Variants in AQP9 observed in about 807,000 individuals in gnomAD.
AQP9 encodes aquaporin-9.
A neutral mutation model predicts 23.8 loss-of-function variants in AQP9; 19 were observed. That is an observed-to-expected ratio of 0.80 (90% confidence interval 0.56 to 1.17). AQP9 has a LOEUF of 1.17. AQP9 is among the 50% of genes most tolerant of loss of function. The probability of loss-of-function intolerance (pLI) is 0.00; values close to 1 mark genes in which losing one functional copy is unlikely to be tolerated. For synonymous variants in AQP9, 153 were observed against 131.5 expected (o/e 1.16, Z -1.12); for missense variants, 413 against 362.0 (o/e 1.14, Z -1.14).
chr15:58,182,686 T>G (rs1246208236), intron 5 of AQP9, among the ~76,000 whole-genome samples: 1 of 152,110 alleles, frequency 6.6e-6, no homozygotes, highest in Admixed American at 6.5e-5. Flanking sequence ...GGAAGGGCAC[T>G]GTGAGGGCGG....
chr15:58,172,339 T>C (rs574149428), intron 2 of AQP9, among the ~76,000 whole-genome samples: 46 of 152,360 alleles, frequency 3.0e-4, no homozygotes, highest in African/African-American at 1.0e-3. Flanking sequence ...TTGTTGTTAC[T>C]AGCAAAGCCA....
intron 1 of AQP9, among the ~76,000 whole-genome samples, chr15:58,158,107 T>C (rs1453789056): frequency 8.5e-5 from 13 of 152,160 alleles, no homozygotes; most frequent in Non-Finnish European, 1.6e-4. Context: ...ACTGGATAGA[T>C]TGGGAACAGA....
intron 5 of AQP9, among the ~76,000 whole-genome samples, chr15:58,182,975 G>A (rs1008081648): frequency 2.6e-5 from 4 of 152,074 alleles, no homozygotes; most frequent in East Asian, 3.9e-4. Flanking sequence ...TTCCTTTATC[G>A]TTCTTTCTAA....
chr15:58,170,076 G>T (rs1348869014), intron 2 of AQP9, among the ~76,000 whole-genome samples: 1 of 152,050 alleles, frequency 6.6e-6, no homozygotes, highest in East Asian at 1.9e-4. Context: ...AGCAACCTCG[G>T]CAAAGCCAAG....
intron 3 of AQP9, among the ~76,000 whole-genome samples, chr15:58,174,151 G>C (rs1898687537): frequency 6.6e-6 from 1 of 151,976 alleles, no homozygotes; most frequent in Non-Finnish European, 1.5e-5. Context: ...AGCCAGGTGT[G>C]GTAACTCACA....
rs1260380235 is a variant in AQP9 at position 58,166,685 on chromosome 15, G to A, written c.124G>A (p.Gly42Ser). Reference protein sequence around the residue: ...GTFILIVLGCGCVAQAILSRG... With the variant: ...GTFILIVLGCSCVAQAILSRG... ...CCTCTCATTCCAGGTCCTTGGATGT[G>A]GCTGTGTTGCCCAAGCTATTCTCAG... Residue 42 changes from glycine (G) to serine (S), a missense_variant, in exon 2 of 6, where the codon GGC (glycine) becomes AGC (serine). Gly to Ser is a moderately conservative substitution (Grantham distance 56, BLOSUM62 0). Coordinates refer to ENST00000219919, the MANE Select transcript of AQP9 (RefSeq NM_020980.5). The A allele has an allele frequency of 1.9e-6, 3 of 1,610,350 alleles. No individual in the cohort carries two copies. The African/African-American group carries it at 4.0e-5, about 22-fold the overall frequency.
chr15:58,154,311 T>C (rs1898204815), intron 1 of AQP9: 1 of 152,104 alleles, frequency 6.6e-6, no homozygotes, highest in Non-Finnish European at 1.5e-5. Flanking sequence ...CAGCCTCCAT[T>C]ACCATACCTG....
intron 2 of AQP9, among the ~76,000 whole-genome samples, chr15:58,170,710 T>C (rs1256000444): frequency 1.3e-5 from 2 of 152,102 alleles, no homozygotes; most frequent in Admixed American, 1.3e-4. Flanking sequence ...GCCTATTTCT[T>C]CAGCTTTTAT....
At chr15:58,138,847 A>G (rs1187790215) in intron 1 of AQP9, 171 bp downstream of exon 1, 1 of 586,834 alleles carries the variant, frequency 1.7e-6, no homozygotes, top group African/African-American at 1.9e-5. Context: ...AGGGGTTGTG[A>G]TATTAAGTTT....
At chr15:58,155,490 G>A (rs554014768) in intron 1 of AQP9, 16 of 152,216 alleles carry the variant, frequency 1.1e-4, no homozygotes, top group African/African-American at 3.6e-4. Flanking sequence ...ACCCTTACAC[G>A]ATTTTTTGCC....
intron 5 of AQP9, among the ~76,000 whole-genome samples, chr15:58,182,949 C>A (rs1898925757): frequency 6.6e-6 from 1 of 152,150 alleles, no homozygotes; most frequent in African/African-American, 2.4e-5. Flanking sequence ...GGACAGGGTT[C>A]TTGTGTCCTG....
intron 5 of AQP9, among the ~76,000 whole-genome samples, chr15:58,179,799 T>G (rs1196033998): frequency 6.6e-6 from 1 of 152,132 alleles, no homozygotes; most frequent in African/African-American, 2.4e-5. Flanking sequence ...TATCTGTGCT[T>G]TAGTCACTGT....
intron 1 of AQP9, among the ~76,000 whole-genome samples, chr15:58,141,564 A>G (rs376457290): frequency 6.6e-6 from 1 of 152,222 alleles, no homozygotes; most frequent in East Asian, 1.9e-4. Context: ...TGGAACACAG[A>G]CTATGGAGGA....
intron 1 of AQP9, chr15:58,150,327 C>T (rs1373586224): frequency 6.6e-6 from 1 of 152,634 alleles, no homozygotes; most frequent in African/African-American, 2.4e-5. Flanking sequence ...TCAGAATATT[C>T]CAAGGCCCCT....
At chr15:58,145,010 T>G (rs1446178641) in intron 1 of AQP9, among the ~76,000 whole-genome samples, 2 of 115,440 alleles carry the variant, frequency 1.7e-5, no homozygotes, top group African/African-American at 3.4e-5. Flanking sequence ...TGAGACTCCA[T>G]CTCAAAAAAA....
intron 2 of AQP9, among the ~76,000 whole-genome samples, chr15:58,168,204 T>C (rs188746347): frequency 9.8e-4 from 148 of 151,414 alleles, no homozygotes; most frequent in African/African-American, 3.5e-3. Flanking sequence ...AATTTTTGTA[T>C]TTTTTTTGTA....
At chr15:58,142,689 CT>C (rs1424165182) in intron 1 of AQP9, among the ~76,000 whole-genome samples, 1 of 152,174 alleles carries the variant, frequency 6.6e-6, no homozygotes, top group Admixed American at 6.5e-5. Flanking sequence ...AGCAAAGGAC[CT>C]ATAGGAAAGT....
At chr15:58,171,872 C>A (rs1405719689) in intron 2 of AQP9, among the ~76,000 whole-genome samples, 2 of 151,978 alleles carry the variant, frequency 1.3e-5, no homozygotes, top group East Asian at 3.9e-4. Flanking sequence ...ATCATCACCA[C>A]CATCATCCCT....
At chr15:58,141,157 G>T (rs1410334551) in intron 1 of AQP9, among the ~76,000 whole-genome samples, 1 of 152,154 alleles carries the variant, frequency 6.6e-6, no homozygotes, top group Non-Finnish European at 1.5e-5. Flanking sequence ...TCTCTTCCTT[G>T]GGCTGAACTT....
Sources: gnomAD v4.1 joint callset for allele counts (sites outside exome capture counted in the v4.1 genomes callset) on GRCh38, gnomAD v4.1.1 for gene constraint, MANE v1.5 for transcripts, NCBI Gene and HGNC (gene_info 2026-07-23, HGNC 2026-07-21) for gene names.